Variants in CTTNBP2NL observed in about 807,000 individuals in gnomAD.
CTTNBP2NL encodes CTTNBP2 N-terminal like, also known as CTTNBP2 N-terminal-like protein.
A neutral mutation model predicts 32.5 loss-of-function variants in CTTNBP2NL; 16 were observed. The ratio of observed to expected loss-of-function variants is 0.49; its 90% CI spans 0.33 to 0.75. The LOEUF (loss-of-function observed/expected upper bound fraction) is 0.75. CTTNBP2NL is among the 30% of genes least tolerant of loss of function. The pLI, the probability that CTTNBP2NL is intolerant of heterozygous loss-of-function variation, is 0.02. For synonymous variants in CTTNBP2NL, 298 were observed against 289.4 expected (o/e 1.03, Z -0.30); for missense variants, 645 against 756.0 (o/e 0.85, Z 1.72).
At chr1:112,443,571 A>G (rs934258885) in intron 3 of CTTNBP2NL, among the ~76,000 whole-genome samples, 1 of 151,088 alleles carries the variant, frequency 6.6e-6, no homozygotes, top group African/African-American at 2.4e-5. Context: ...CTGTTCTTGA[A>G]CTCCTGACCT....
intron 3 of CTTNBP2NL, among the ~76,000 whole-genome samples, chr1:112,442,375 G>A (rs968364901): frequency 1.4e-4 from 21 of 152,124 alleles, no homozygotes; most frequent in African/African-American, 4.6e-4. Flanking sequence ...TTCCCGCCTC[G>A]GCCAAAAATA....
chr1:112,439,475 A>G (rs985339528), intron 3 of CTTNBP2NL, among the ~76,000 whole-genome samples: 1 of 152,206 alleles, frequency 6.6e-6, no homozygotes, highest in Non-Finnish European at 1.5e-5. Context: ...CCCATCTCAC[A>G]GTTACGCAGC....
intron 2 of CTTNBP2NL, 138 bp from the exon 3 acceptor site, chr1:112,416,019 T>C (rs964395698): frequency 6.7e-6 from 4 of 597,630 alleles, no homozygotes; most frequent in Non-Finnish European, 1.2e-5. Flanking sequence ...AGAAAACATA[T>C]TTCTATTTAA....
upstream of CTTNBP2NL, among the ~76,000 whole-genome samples, chr1:112,395,195 T>G (rs114105371): frequency 3.1e-3 from 477 of 152,392 alleles, 3 homozygotes; most frequent in African/African-American, 0.011. Flanking sequence ...TTATGCATTA[T>G]GAATATTCGT....
chr1:112,424,716 G>A (rs1210826063), intron 3 of CTTNBP2NL, among the ~76,000 whole-genome samples: 5 of 152,098 alleles, frequency 3.3e-5, no homozygotes, highest in Non-Finnish European at 7.4e-5. Context: ...GTAGCTTTTA[G>A]TGTATAGCTT....
intron 1 of CTTNBP2NL, chr1:112,396,710 A>G (rs1347357363): frequency 6.6e-6 from 1 of 152,200 alleles, no homozygotes; most frequent in Non-Finnish European, 1.5e-5. Flanking sequence ...GTAAGATAAA[A>G]TTGGTGTTTC....
At position 112,456,879 on chromosome 1, in the gene CTTNBP2NL, C is replaced by T. The variant is rs1192829350; in HGVS notation, c.1387C>T (p.Arg463Cys). ...GATCAACCAACGGTTCCATGCAGCT[C>T]GCCACAAATTTCAGTCCCAAGCAGA... Reference protein sequence around the residue: ...VGINQRFHAARHKFQSQADQD... With the variant: ...VGINQRFHAACHKFQSQADQD... The change falls in exon 6 of 6, where the codon CGC becomes TGC. Residue 463 changes from arginine (R) to cysteine (C), a missense_variant. Transcript: ENST00000271277. 4.3e-6 allele frequency: 7 copies of T among 1,614,114 alleles called. No individual in the cohort carries two copies. Among genetic ancestry groups the T allele is most frequent in the South Asian group, 1.1e-5 (1 of 91,076 alleles).
At chr1:112,426,113 C>T (rs1209323436) in intron 3 of CTTNBP2NL, among the ~76,000 whole-genome samples, 1 of 151,170 alleles carries the variant, frequency 6.6e-6, no homozygotes, top group Non-Finnish European at 1.5e-5. Flanking sequence ...AGTTGTTGGC[C>T]GTAGGTTTTT....
chr1:112,433,399 GC>G (rs534548735), intron 3 of CTTNBP2NL, among the ~76,000 whole-genome samples: 5 of 152,266 alleles, frequency 3.3e-5, no homozygotes, highest in Non-Finnish European at 7.4e-5. Context: ...TTTGAGACCA[GC>G]CTGGCCAAAA....
At chr1:112,417,935 T>G (rs982354896) in intron 3 of CTTNBP2NL, among the ~76,000 whole-genome samples, 1 of 152,184 alleles carries the variant, frequency 6.6e-6, no homozygotes, top group Non-Finnish European at 1.5e-5. Context: ...TGTTGGACTT[T>G]ATGAACTACT....
chr1:112,458,369 C>A lies in CTTNBP2NL; in HGVS notation c.*957C>A, dbSNP rs1487361706. 6.6e-6 allele frequency: 1 copy of A among 152,608 alleles called. No homozygotes were observed. Among genetic ancestry groups the A allele is most frequent in the Non-Finnish European group, 1.5e-5 (1 of 68,042 alleles). The allele number at this position is 152,608 out of a possible 1,614,324, so 9.5% of individuals were successfully genotyped here. On this transcript the variant is annotated 3_prime_UTR_variant, in exon 6 of 6. Transcript: ENST00000271277. ...GTTTTACCAAATTGTTACACTTATT[C>A]TCCAAGCTGCCAGAACCTGGTATCT...
rs1463550636 is a variant in CTTNBP2NL at position 112,401,738 on chromosome 1, AC to A, written c.-134+5467del. 2.0e-5 allele frequency among the ~76,000 whole-genome samples: 3 copies of A among 152,280 alleles called. No homozygotes were observed. The East Asian group carries it at 5.8e-4, about 29-fold the overall frequency. On this transcript the variant is annotated intron_variant, in intron 1 of 5. Coordinates refer to ENST00000271277, the MANE Select transcript of CTTNBP2NL (RefSeq NM_018704.3). ...TTTGTGGGTTGAAGAAAACAAGACT[AC>A]AAAGAGGCATTGAACTAGATAATGC...
At chr1:112,417,521 G>C (rs1232264717) in intron 3 of CTTNBP2NL, among the ~76,000 whole-genome samples, 1 of 152,172 alleles carries the variant, frequency 6.6e-6, no homozygotes, top group East Asian at 1.9e-4. Flanking sequence ...AGGCAGTTCT[G>C]ATAAGTTGAG....
chr1:112,411,183 A>T (rs1648852642), intron 1 of CTTNBP2NL, among the ~76,000 whole-genome samples: 1 of 152,136 alleles, frequency 6.6e-6, no homozygotes. Flanking sequence ...TTAATTACTG[A>T]TTCTTGTTTT....
Position 112,457,130 on chromosome 1 carries a change from A to G in CTTNBP2NL, c.1638A>G (p.Thr546=). 1 of 1,614,092 alleles carries G rather than the reference A, an allele frequency of 6.2e-7. No homozygotes were observed. The highest frequency in any genetic ancestry group is 1.7e-5 in the Admixed American group (1 of 60,026). ...ACACTGCCAATCCAAGAGGTGACAC[A>G]AGCCATTCACCTACTCCAGGGAAAG... The part of the protein sequence containing the change: ...LANTANPRGD[T]SHSPTPGKVS... Residue 546 remains threonine, a synonymous_variant, in exon 6 of 6, where the codon ACA becomes ACG. Transcript: ENST00000271277.
At chr1:112,452,592 C>T (rs1405445343) in intron 4 of CTTNBP2NL, among the ~76,000 whole-genome samples, 1 of 148,688 alleles carries the variant, frequency 6.7e-6, no homozygotes, top group African/African-American at 2.5e-5. Context: ...GATCCACCTG[C>T]TTTGGCCTCC....
At chr1:112,404,262 C>A (rs1648592074) in intron 1 of CTTNBP2NL, among the ~76,000 whole-genome samples, 1 of 152,222 alleles carries the variant, frequency 6.6e-6, no homozygotes, top group Non-Finnish European at 1.5e-5. Context: ...AAATATTCAA[C>A]TGATACTCAA....
At chr1:112,427,646 A>G (rs1649440019) in intron 3 of CTTNBP2NL, among the ~76,000 whole-genome samples, 1 of 152,214 alleles carries the variant, frequency 6.6e-6, no homozygotes, top group South Asian at 2.1e-4. Flanking sequence ...CTATAATCCC[A>G]GCACTTTGGG....
chr1:112,398,735 CAGGTGTTTG>C (rs1396803201), intron 1 of CTTNBP2NL, among the ~76,000 whole-genome samples: 1 of 147,982 alleles, frequency 6.8e-6, no homozygotes, highest in Admixed American at 6.9e-5. Context: ...TGCTTGAGCC[CAGGTGTTTG>C]AGGTTACAGT....
Sources: gnomAD v4.1 joint callset for allele counts (sites outside exome capture counted in the v4.1 genomes callset) on GRCh38, gnomAD v4.1.1 for gene constraint, MANE v1.5 for transcripts, NCBI Gene and HGNC (gene_info 2026-07-23, HGNC 2026-07-21) for gene names.